ANO4: variants seen among roughly 807,000 people sequenced by gnomAD.
ANO4 encodes the protein anoctamin-4.
In ANO4, 69 loss-of-function variants were observed where a neutral mutation model predicts 141.9. The ratio of observed to expected loss-of-function variants is 0.49; its 90% CI spans 0.40 to 0.59. The LOEUF is 0.59. ANO4 is among the 20% of genes least tolerant of loss of function. The pLI is 0.00. For missense variants in ANO4, 894 were observed against 1,162.2 expected (o/e 0.77, Z 3.36); for synonymous variants, 350 against 394.3 (o/e 0.89, Z 1.33).
intron 1 of ANO4, among the ~76,000 whole-genome samples, chr12:100,803,389 C>T (rs1263652070): frequency 1.3e-5 from 2 of 152,202 alleles, no homozygotes; most frequent in Non-Finnish European, 2.9e-5. Flanking sequence ...GAATAAACAA[C>T]ATTTACAAGA....
At chr12:100,786,378 G>A (rs1278023912) in intron 3 of ANO4, among the ~76,000 whole-genome samples, 3 of 152,126 alleles carry the variant, frequency 2.0e-5, no homozygotes, top group African/African-American at 7.2e-5. Context: ...TAATCCTCAA[G>A]CTGGTGTGAA....
chr12:100,806,013 T>C (rs1000782762), intron 1 of ANO4, among the ~76,000 whole-genome samples: 4 of 152,164 alleles, frequency 2.6e-5, no homozygotes, highest in Non-Finnish European at 5.9e-5. Flanking sequence ...GTTCTTTTTC[T>C]CTGTTGCCAT....
At chr12:100,981,185 T>C (rs951535797) in intron 7 of ANO4, among the ~76,000 whole-genome samples, 2 of 152,200 alleles carry the variant, frequency 1.3e-5, no homozygotes, top group Admixed American at 1.3e-4. Context: ...CTAATACATG[T>C]AAATGTTCCA....
At chr12:100,807,423 C>G (rs1209401850) in intron 1 of ANO4, among the ~76,000 whole-genome samples, 1 of 152,144 alleles carries the variant, frequency 6.6e-6, no homozygotes. Context: ...AGCCTCACCC[C>G]TATTACCCTT....
chr12:100,801,500 A>AT (rs36028810), intron 1 of ANO4, among the ~76,000 whole-genome samples: 84,272 of 147,382 alleles, frequency 0.57, 23,956 homozygotes, highest in East Asian at 0.7. Flanking sequence ...GGAATGAAAG[A>AT]TTTTTTTTTT....
At chr12:101,075,276 A>C (rs1015457647) in intron 14 of ANO4, among the ~76,000 whole-genome samples, 9 of 152,196 alleles carry the variant, frequency 5.9e-5, no homozygotes, top group Non-Finnish European at 1.3e-4. Context: ...TCTGAAGTGC[A>C]AGTCAGGGCA....
intron 9 of ANO4, among the ~76,000 whole-genome samples, chr12:101,020,664 T>G (rs1427084732): frequency 6.6e-6 from 1 of 152,146 alleles, no homozygotes; most frequent in Non-Finnish European, 1.5e-5. Flanking sequence ...GGTGTTCCCA[T>G]GCAGAGGGAG....
intron 2 of ANO4, among the ~76,000 whole-genome samples, chr12:100,739,280 A>T (rs1363422585): frequency 2.6e-5 from 4 of 151,834 alleles, no homozygotes; most frequent in Non-Finnish European, 5.9e-5. Flanking sequence ...CATGTCTCAG[A>T]CCCTATCCCT....
chr12:101,097,646 T>G lies in ANO4; in HGVS notation c.1851-5T>G, dbSNP rs769363399. Reference sequence around the variant, plus strand: ...TAATGGCTTGTTTTTCTCTGTGTGTTGAAGATTTACAGGACACCCAGGTGC... The same window carrying G: ...TAATGGCTTGTTTTTCTCTGTGTGTGGAAGATTTACAGGACACCCAGGTGC... On this transcript the variant is annotated splice_polypyrimidine_tract_variant and splice_region_variant and intron_variant, in intron 19 of 27. Transcript: ENST00000392977. 1.2e-6 allele frequency: 2 copies of G among 1,613,640 alleles called. No individual in the cohort carries two copies. The highest frequency in any genetic ancestry group is 1.7e-6 in the Non-Finnish European group (2 of 1,179,702).
chr12:100,996,757 A>AT (rs2045393151), intron 8 of ANO4, among the ~76,000 whole-genome samples: 1 of 152,148 alleles, frequency 6.6e-6, no homozygotes, highest in South Asian at 2.1e-4. Flanking sequence ...ATTCTCTGAG[A>AT]TTCTCTGTAA....
chr12:100,764,962 T>C (rs1479046865), intron 3 of ANO4, among the ~76,000 whole-genome samples: 1 of 152,216 alleles, frequency 6.6e-6, no homozygotes, highest in African/African-American at 2.4e-5. Context: ...GGTATTAGGG[T>C]AATGCTGGCC....
intron 1 of ANO4, among the ~76,000 whole-genome samples, chr12:100,798,135 A>G (rs1263696600): frequency 6.6e-6 from 1 of 152,184 alleles, no homozygotes; most frequent in Non-Finnish European, 1.5e-5. Context: ...TACTGTCTAA[A>G]AGGTCTTTGT....
At chr12:101,078,684 A>C (rs1489826842) in intron 14 of ANO4, among the ~76,000 whole-genome samples, 1 of 152,166 alleles carries the variant, frequency 6.6e-6, no homozygotes, top group Admixed American at 6.6e-5. Context: ...TTACATAGGT[A>C]TTTGCTGTGA....
intron 14 of ANO4, among the ~76,000 whole-genome samples, chr12:101,049,817 G>A (rs996494242): frequency 1.3e-5 from 2 of 152,108 alleles, no homozygotes; most frequent in Admixed American, 6.6e-5. Flanking sequence ...TGAACCCCAT[G>A]ACTCCAGTCC....
chr12:100,981,660 A>C (rs17030834), intron 7 of ANO4, among the ~76,000 whole-genome samples: 24 of 152,276 alleles, frequency 1.6e-4, no homozygotes, highest in Admixed American at 3.3e-4. Context: ...CATTTAATTC[A>C]GTCTGATTAG....
chr12:101,009,351 G>A (rs2045988305), intron 8 of ANO4, among the ~76,000 whole-genome samples: 1 of 152,094 alleles, frequency 6.6e-6, no homozygotes, highest in Admixed American at 6.6e-5. Flanking sequence ...TGGACTTTCA[G>A]CCTCCAGAAC....
In ANO4 at chr12:100,743,185, G is replaced by A. The variant is rs11110505; in HGVS notation, c.358+3080G>A. On this transcript the variant is annotated intron_variant, in intron 3 of 29. Transcript: ENST00000644049. Reference sequence around the variant, plus strand: ...GATTCAGTGTGGTGTTAAGATAGATGATTTCACAAGACGTGATCACATATG... The same window carrying A: ...GATTCAGTGTGGTGTTAAGATAGATAATTTCACAAGACGTGATCACATATG... Among the ~76,000 whole-genome samples the A allele has an allele frequency of 1.7e-3, 258 of 151,906 alleles. 1 individual carries two copies. Among genetic ancestry groups the A allele is most frequent in the African/African-American group, 5.8e-3 (241 of 41,484 alleles).
intron 1 of ANO4, among the ~76,000 whole-genome samples, chr12:100,894,965 C>CA (rs764468746): frequency 0.11 from 11,746 of 102,384 alleles, 1,060 homozygotes; most frequent in African/African-American, 0.27. Flanking sequence ...GACTCCATCT[C>CA]AAAAAAAAAA....
intron 2 of ANO4, among the ~76,000 whole-genome samples, chr12:100,921,526 G>A (rs757229399): frequency 6.6e-6 from 1 of 152,082 alleles, no homozygotes; most frequent in South Asian, 2.1e-4. Flanking sequence ...GCTTTTAGAA[G>A]GTTTGGAAGG....
Sources: allele counts gnomAD v4.1 joint callset (sites outside exome capture counted in the v4.1 genomes callset), GRCh38; gene constraint gnomAD v4.1.1; transcripts MANE v1.5; gene names NCBI Gene and HGNC (gene_info 2026-07-23, HGNC 2026-07-21).